Variants in OBI1 observed in about 807,000 individuals in gnomAD.
The protein encoded by OBI1 is ORC ubiquitin ligase 1.
OBI1 carries 59 observed loss-of-function variants against 62.4 expected under a neutral mutation model. That is an observed-to-expected ratio of 0.95 (90% CI 0.77 to 1.17). The LOEUF (loss-of-function observed/expected upper bound fraction) is 1.17, where lower values mean the gene tolerates loss of function less well. OBI1 is among the 50% of genes most tolerant of loss of function. The pLI is 0.00. For missense variants in OBI1, 875 were observed against 830.9 expected (o/e 1.05, Z -0.65); for synonymous variants, 302 against 292.8 (o/e 1.03, Z -0.32).
chr13:78,637,832 C>A (rs1876075406), intron 4 of OBI1, among the ~76,000 whole-genome samples: 1 of 152,036 alleles, frequency 6.6e-6, no homozygotes, highest in African/African-American at 2.4e-5. Context: ...TTTTCTGAGC[C>A]CAAACAACAT....
intron 1 of OBI1, among the ~76,000 whole-genome samples, chr13:78,658,678 C>A (rs1185268785): frequency 6.6e-6 from 1 of 152,152 alleles, no homozygotes; most frequent in African/African-American, 2.4e-5. Flanking sequence ...TTTTAATGGG[C>A]TTCACTACAC....
At chr13:78,633,427 CT>C (rs1875915194) in intron 5 of OBI1, among the ~76,000 whole-genome samples, 1 of 152,148 alleles carries the variant, frequency 6.6e-6, no homozygotes, top group Non-Finnish European at 1.5e-5. Context: ...ACATTTCCTC[CT>C]TTTCAAATGA....
At chr13:78,631,510 G>A (rs1391827187) in intron 5 of OBI1, among the ~76,000 whole-genome samples, 1 of 152,086 alleles carries the variant, frequency 6.6e-6, no homozygotes, top group African/African-American at 2.4e-5. Flanking sequence ...TAAACTTAAA[G>A]GTCATATCAC....
chr13:78,657,208 C>T (rs1353209138), intron 1 of OBI1, among the ~76,000 whole-genome samples: 12 of 151,716 alleles, frequency 7.9e-5, no homozygotes, highest in African/African-American at 2.9e-4. Context: ...TAAAGTCTGG[C>T]ACATAAGATT....
At chr13:78,640,410 A>G (rs1180387400) in intron 3 of OBI1, among the ~76,000 whole-genome samples, 1 of 152,188 alleles carries the variant, frequency 6.6e-6, no homozygotes, top group Non-Finnish European at 1.5e-5. Context: ...TCATACAAAT[A>G]GTTATTAAAC....
intron 2 of OBI1, among the ~76,000 whole-genome samples, chr13:78,643,233 G>A (rs894786192): frequency 6.6e-6 from 1 of 152,134 alleles, no homozygotes; most frequent in African/African-American, 2.4e-5. Flanking sequence ...GGGATGAGAA[G>A]AAAAGCTGGG....
rs1875286182 is a variant in OBI1, at chr13:78,616,339, A to G, written c.1422T>C (p.Tyr474=). The G allele has an allele frequency of 1.2e-6, 2 of 1,614,102 alleles. No homozygotes were observed. The highest frequency in any genetic ancestry group is 1.7e-6 in the Non-Finnish European group (2 of 1,179,944). ...TGFWDCCSTS[Y]AQNLDFESSE... ...AACTTTCAAAATCTAAGTTTTGGGC[A>G]TAGCTTGTGGAACAACAGTCCCAAA... Residue 474 remains tyrosine, a synonymous_variant, in exon 6 of 6, where the codon TAT becomes TAC. Coordinates refer to ENST00000282003, the MANE Select transcript of OBI1 (RefSeq NM_024546.4).
At chr13:78,657,022 C>A (rs1371715684) in intron 1 of OBI1, among the ~76,000 whole-genome samples, 1 of 151,734 alleles carries the variant, frequency 6.6e-6, no homozygotes, top group Non-Finnish European at 1.5e-5. Context: ...TGACCTCAGG[C>A]GATCTGCCCG....
At chr13:78,656,491 A>G (rs1432348783) in intron 1 of OBI1, among the ~76,000 whole-genome samples, 2 of 152,030 alleles carry the variant, frequency 1.3e-5, no homozygotes, top group Admixed American at 6.5e-5. Flanking sequence ...CTGAGGCAGG[A>G]GAATTGCTTG....
intron 1 of OBI1, among the ~76,000 whole-genome samples, chr13:78,653,296 G>A (rs1181888359): frequency 6.6e-6 from 1 of 152,198 alleles, no homozygotes; most frequent in East Asian, 1.9e-4. Flanking sequence ...GATGCCAGTA[G>A]CAGCCCCTTG....
rs757744372 is a variant in OBI1, at chr13:78,617,092, C to T, written c.669G>A (p.Gln223=). The T allele has an allele frequency of 1.3e-6, 2 of 1,573,260 alleles. No homozygotes were observed. Among genetic ancestry groups the T allele is most frequent in the Admixed American group, 3.9e-5 (2 of 51,922 alleles). Residue 223 remains glutamine (Q), a synonymous_variant, in exon 6 of 6, where the codon CAG becomes CAA. Coordinates refer to ENST00000282003, the MANE Select transcript of OBI1 (RefSeq NM_024546.4). ...KFGRFAVAAL[Q]SKVEQYERET... ...CACGCTCATACTGTTCTACTTTGGA[C>T]TGAAGAGCAGCAACTGCAAACCTTC...
At chr13:78,645,548 T>C (rs1876355028) in intron 1 of OBI1, among the ~76,000 whole-genome samples, 1 of 152,116 alleles carries the variant, frequency 6.6e-6, no homozygotes, top group Non-Finnish European at 1.5e-5. Flanking sequence ...TAGTTTATAA[T>C]CTAAACAGCA....
At chr13:78,651,606 G>T (rs956973683) in intron 1 of OBI1, among the ~76,000 whole-genome samples, 2 of 151,698 alleles carry the variant, frequency 1.3e-5, no homozygotes, top group Non-Finnish European at 2.9e-5. Flanking sequence ...CCATCCTCCT[G>T]ACAGTAATAA....
Position 78,615,808 on chromosome 13 carries a change from G to C in OBI1, c.1953C>G (p.Ser651=), listed in dbSNP as rs775428065. Residue 651 remains serine, a synonymous_variant, in exon 6 of 6, where the codon TCC becomes TCG. Transcript: ENST00000282003. Reference sequence around the variant, plus strand: ...GTGAACTGCTTAACAAAATGCCCTGGGAAAACTCTGTCTGAAACAAGCAGC... The same window carrying C: ...GTGAACTGCTTAACAAAATGCCCTGCGAAAACTCTGTCTGAAACAAGCAGC... ...PPSCLFQTEF[S]QGILLSSSHR... 39 of 1,613,744 alleles carry C rather than the reference G, an allele frequency of 2.4e-5. 1 individual carries two copies. In the South Asian group the frequency reaches 4.3e-4, roughly 18 times the overall value.
At position 78,620,720 on chromosome 13, in the gene OBI1, T is replaced by G. The variant is rs1412187145; in HGVS notation, c.639-3598A>C. 4 of 448,448 alleles carry G rather than the reference T, an allele frequency of 8.9e-6. No homozygotes were observed. In the East Asian group the frequency reaches 2.8e-4, roughly 31 times the overall value. The allele number at this position is 448,448 out of a possible 1,614,324, so 27.8% of individuals were successfully genotyped here. On this transcript the variant is annotated intron_variant, in intron 5 of 5. Coordinates refer to ENST00000282003, the MANE Select transcript of OBI1 (RefSeq NM_024546.4). Reference sequence around the variant, plus strand: ...AAATGGAAGTCCTATTGGTATGACCTTTGAGGTGGTATAACTAAACTAAAG... The same window carrying G: ...AAATGGAAGTCCTATTGGTATGACCGTTGAGGTGGTATAACTAAACTAAAG...
Position 78,616,542 on chromosome 13 carries a change from C to G in OBI1, c.1219G>C (p.Glu407Gln), listed in dbSNP as rs771415775. 3 of 1,614,034 alleles carry G rather than the reference C, an allele frequency of 1.9e-6. No individual in the cohort carries two copies. Among genetic ancestry groups the G allele is most frequent in the South Asian group, 1.1e-5 (1 of 91,060 alleles). The change falls in exon 6 of 6, where the codon GAG (glutamate) becomes CAG (glutamine). Residue 407 changes from glutamate (E) to glutamine (Q), a missense_variant. Coordinates refer to ENST00000282003, the MANE Select transcript of OBI1 (RefSeq NM_024546.4). The part of the protein sequence containing the change: ...CLQLSTPENR[E>Q]SSVVQAGGSK... ...CCTCCTGCTTGGACCACAGAGCTCT[C>G]TCTATTTTCTGGAGTACTGAGCTGA...
intron 3 of OBI1, 28 bp downstream of exon 3, chr13:78,642,094 A>T: frequency 1.5e-6 from 2 of 1,375,880 alleles, no homozygotes; most frequent in Non-Finnish European, 2.1e-6. Flanking sequence ...CACTGCTAAC[A>T]TAATTTTAAA....
At chr13:78,629,585 C>T (rs1875784737) in intron 5 of OBI1, among the ~76,000 whole-genome samples, 1 of 152,120 alleles carries the variant, frequency 6.6e-6, no homozygotes, top group Non-Finnish European at 1.5e-5. Flanking sequence ...AAAAAAGTCA[C>T]TAAGGAACTT....
rs187171258 is a variant in OBI1, at chr13:78,630,138, C to T, written c.638+4972G>A. 6.6e-5 allele frequency among the ~76,000 whole-genome samples: 10 copies of T among 152,256 alleles called. No individual in the cohort carries two copies. The East Asian group carries it at 2.0e-3, about 30-fold the overall frequency. On this transcript the variant is annotated intron_variant, in intron 5 of 5. Transcript: ENST00000282003. Reference sequence around the variant, plus strand: ...TTCCTTATCCCTGCAACCTAACCATCATTCTCTGAACCCATACTGCTGTCT... The same window carrying T: ...TTCCTTATCCCTGCAACCTAACCATTATTCTCTGAACCCATACTGCTGTCT...
Sources: allele counts gnomAD v4.1 joint callset (sites outside exome capture counted in the v4.1 genomes callset), GRCh38; gene constraint gnomAD v4.1.1; transcripts MANE v1.5; gene names NCBI Gene and HGNC (gene_info 2026-07-23, HGNC 2026-07-21).